Variants in TSHR observed in about 807,000 individuals in gnomAD.
TSHR encodes thyroid stimulating hormone receptor.
In TSHR, 51 loss-of-function variants were observed where a neutral mutation model predicts 64.1. The ratio of observed to expected loss-of-function variants is 0.80; its 90% CI spans 0.64 to 1.01. The LOEUF is 1.01. TSHR is among the 50% of genes least tolerant of loss of function. The probability of loss-of-function intolerance (pLI) is 0.00; values close to 1 mark genes in which losing one functional copy is unlikely to be tolerated. For missense variants in TSHR, 877 were observed against 942.8 expected, an observed-to-expected ratio of 0.93 and a Z score of 0.91; for synonymous variants, 361 against 361.9, an observed-to-expected ratio of 1.00 and a Z score of 0.03.
intron 8 of TSHR, among the ~76,000 whole-genome samples, chr14:81,123,393 C>T (rs1269333679): frequency 6.6e-6 from 1 of 152,056 alleles, no homozygotes; most frequent in Non-Finnish European, 1.5e-5. Flanking sequence ...CACATAGCTT[C>T]TTTCCATAAT....
chr14:81,095,866 C>T (rs2139996471), intron 6 of TSHR, among the ~76,000 whole-genome samples: 1 of 152,088 alleles, frequency 6.6e-6, no homozygotes, highest in Admixed American at 6.5e-5. Context: ...ATGGTGAAAC[C>T]TCATCTCTAC....
intron 8 of TSHR, among the ~76,000 whole-genome samples, chr14:81,117,918 CA>C (rs1427276847): frequency 2.7e-5 from 1 of 36,894 alleles, no homozygotes; most frequent in African/African-American, 1.5e-4. Flanking sequence ...GAGCCAAAGA[CA>C]AAAACCACAT....
At chr14:81,010,942 C>T (rs1889868188) in intron 1 of TSHR, among the ~76,000 whole-genome samples, 1 of 151,944 alleles carries the variant, frequency 6.6e-6, no homozygotes, top group Non-Finnish European at 1.5e-5. Context: ...ACGGACATCA[C>T]TGCTTCTTGG....
chr14:81,016,825 CT>C (rs1432189352), intron 1 of TSHR, among the ~76,000 whole-genome samples: 2 of 152,148 alleles, frequency 1.3e-5, no homozygotes, highest in East Asian at 3.9e-4. Flanking sequence ...GTATAGGGGT[CT>C]AGTTTCATTT....
At chr14:81,094,598 C>G (rs1028330410) in intron 6 of TSHR, among the ~76,000 whole-genome samples, 1 of 151,448 alleles carries the variant, frequency 6.6e-6, no homozygotes, top group African/African-American at 2.4e-5. Context: ...AACAAAGCCA[C>G]GAGAATCTTG....
chr14:81,109,526 A>C (rs539957848), intron 8 of TSHR, among the ~76,000 whole-genome samples: 1 of 152,220 alleles, frequency 6.6e-6, no homozygotes, highest in Non-Finnish European at 1.5e-5. Context: ...TTCTATTTAT[A>C]CTTATTTTTA....
intron 8 of TSHR, chr14:81,108,685 C>T (rs1413665943): frequency 1.2e-6 from 2 of 1,613,774 alleles, no homozygotes; most frequent in East Asian, 4.5e-5. Flanking sequence ...ATCATGATGC[C>T]TGCTAAGGCA....
At chr14:81,072,003 T>C (rs1321506545) in intron 3 of TSHR, among the ~76,000 whole-genome samples, 3 of 152,208 alleles carry the variant, frequency 2.0e-5, no homozygotes, top group East Asian at 3.8e-4. Context: ...AATGACATGC[T>C]TTATTGTTTG....
In TSHR at chr14:81,103,808, T is replaced by C. The variant is rs1459439720; in HGVS notation, c.615-4567T>C. ...GGGATATGTTGCTTCTCACAGAATG[T>C]CTGATTCTCTGTATCACATTTCCTA... is the stretch of plus-strand genomic sequence containing the variant. On this transcript the variant is annotated intron_variant, in intron 7 of 9. Coordinates refer to ENST00000298171, the MANE Select transcript of TSHR (RefSeq NM_000369.5). This position sits in a 1 kb window ranked among gnomAD's most constrained non-coding sequence, Gnocchi z 4.1. 1.0e-6 allele frequency: 1 copy of C among 985,462 alleles called. No individual in the cohort carries two copies. The allele number at this position is 985,462 out of a possible 1,614,324, so 61.0% of individuals were successfully genotyped here.
intron 1 of TSHR, among the ~76,000 whole-genome samples, chr14:80,976,941 G>T (rs1235678645): frequency 6.6e-6 from 1 of 152,244 alleles, no homozygotes; most frequent in East Asian, 1.9e-4. Context: ...TGTCTAGCCT[G>T]CATGATGATA....
chr14:81,143,774 G>A lies in TSHR; in HGVS notation c.1716G>A (p.Met572Ile). 1 of 1,614,074 alleles carries A rather than the reference G, an allele frequency of 6.2e-7. No homozygotes were observed. The highest frequency in any genetic ancestry group is 8.5e-7 in the Non-Finnish European group (1 of 1,180,032). Residue 572 changes from methionine (M) to isoleucine (I), a missense_variant, in exon 10 of 10, where the codon ATG (methionine) becomes ATA (isoleucine). Physicochemically the swap from Met to Ile is conservative, Grantham distance 10. Coordinates refer to ENST00000298171, the MANE Select transcript of TSHR (RefSeq NM_000369.5). Reference protein sequence around the residue: ...SYAKVSICLPMDTETPLALAY... With the variant: ...SYAKVSICLPIDTETPLALAY... ...CCAAAGTCAGTATCTGCCTGCCCAT[G>A]GACACCGAGACCCCTCTTGCTCTGG... is the stretch of plus-strand genomic sequence containing the variant.
At position 81,143,066 on chromosome 14, in the gene TSHR, G is replaced by T. The variant is rs1242317389; in HGVS notation, c.1008G>T (p.Gly336=). 1.2e-6 allele frequency: 2 copies of T among 1,613,996 alleles called. No homozygotes were observed. The highest frequency in any genetic ancestry group is 2.7e-5 in the African/African-American group (2 of 74,892). ...YEENLGDSIV[G]YKEKSKFQDT... Reference sequence around the variant, plus strand: ...AGAATCTGGGTGACAGCATTGTTGGGTACAAGGAAAAGTCCAAGTTCCAGG... The same window carrying T: ...AGAATCTGGGTGACAGCATTGTTGGTTACAAGGAAAAGTCCAAGTTCCAGG... Residue 336 remains glycine, a synonymous_variant, in exon 10 of 10, where the codon GGG becomes GGT. Transcript: ENST00000298171.
intron 1 of TSHR, chr14:80,983,233 T>G (rs3783946): frequency 0.14 from 177,162 of 1,249,470 alleles, 15,387 homozygotes; most frequent in East Asian, 0.42. Flanking sequence ...AAAGACACCA[T>G]GTCATTTCCT....
intron 2 of TSHR, among the ~76,000 whole-genome samples, chr14:81,065,365 G>A (rs1052849485): frequency 1.3e-4 from 20 of 152,202 alleles, no homozygotes. Context: ...GCATTCTCGT[G>A]TTAAAGTTTC....
intron 7 of TSHR, among the ~76,000 whole-genome samples, chr14:81,106,358 T>G (rs981454495): frequency 6.6e-6 from 1 of 152,240 alleles, no homozygotes; most frequent in African/African-American, 2.4e-5. Context: ...AGCAATCGTC[T>G]GTGTCACCCT....
chr14:81,133,893 C>G (rs1478196412), intron 8 of TSHR, among the ~76,000 whole-genome samples: 1 of 152,110 alleles, frequency 6.6e-6, no homozygotes, highest in African/African-American at 2.4e-5. Context: ...TCATCCCTAT[C>G]ACTATAACAA....
intron 8 of TSHR, among the ~76,000 whole-genome samples, chr14:81,118,990 A>G: frequency 7.0e-6 from 1 of 142,004 alleles, no homozygotes. Flanking sequence ...GAAAGCTGAA[A>G]CTGGATCCCT....
chr14:81,053,156 C>A (rs925126248), intron 1 of TSHR: 4 of 152,094 alleles, frequency 2.6e-5, no homozygotes, highest in Non-Finnish European at 5.9e-5. Context: ...CCAGGAGAGC[C>A]TGTGGTGTAG....
intron 1 of TSHR, among the ~76,000 whole-genome samples, chr14:81,010,419 A>C (rs540966383): frequency 6.6e-5 from 10 of 152,006 alleles, no homozygotes; most frequent in African/African-American, 2.4e-4. Flanking sequence ...AATCAGCTCT[A>C]ATAATTTTCT....
Sources: gnomAD v4.1 joint callset for allele counts (sites outside exome capture counted in the v4.1 genomes callset) on GRCh38, gnomAD v4.1.1 for gene constraint, Gnocchi (gnomAD v3.1) non-coding constraint, MANE v1.5 for transcripts, NCBI Gene and HGNC (gene_info 2026-07-23, HGNC 2026-07-21) for gene names.